Variants in ZNF839 observed in about 807,000 individuals in gnomAD.
ZNF839 encodes the protein zinc finger protein 839.
In ZNF839, 38 loss-of-function variants were observed where a neutral mutation model predicts 56.4. The ratio of observed to expected loss-of-function variants is 0.67; its 90% confidence interval spans 0.52 to 0.88. The LOEUF is 0.88. Ranked by LOEUF, ZNF839 falls within the 40% of genes least tolerant of loss-of-function variation. The probability of loss-of-function intolerance (pLI) is 0.00; values close to 1 mark genes in which losing one functional copy is unlikely to be tolerated. For missense variants in ZNF839, 1,091 were observed against 1,177.6 expected (o/e 0.93, Z 1.08); for synonymous variants, 486 against 493.5 (o/e 0.98, Z 0.20).
Position 102,319,884 on chromosome 14 carries a change from A to G in ZNF839, c.119A>G (p.Gln40Arg). 8.0e-7 allele frequency: 1 copy of G among 1,250,628 alleles called. No homozygotes were observed. Among genetic ancestry groups the G allele is most frequent in the Non-Finnish European group, 1.0e-6 (1 of 991,118 alleles). 77.5% of individuals were successfully genotyped at this position (1,250,628 alleles called of 1,614,324 possible). Reference sequence around the variant, plus strand: ...CGTGTGGCCCCGCTGGGCCCCGAGCAGCTGCGGCAGGTCCTGGAGCAGGTG... The same window carrying G: ...CGTGTGGCCCCGCTGGGCCCCGAGCGGCTGCGGCAGGTCCTGGAGCAGGTG... The part of the protein sequence containing the change: ...VARVAPLGPE[Q>R]LRQVLEQVTK... Residue 40 changes from glutamine to arginine, a missense_variant, in exon 1 of 8, where the codon CAG (glutamine) becomes CGG (arginine). By Grantham distance (43) the Gln-to-Arg change is conservative. Transcript: ENST00000442396. The surrounding 1 kb of genome is among the most constrained non-coding windows in gnomAD (Gnocchi z 4.5).
chr14:102,331,680 T>C lies in ZNF839; in HGVS notation c.1250T>C (p.Leu417Pro), dbSNP rs2073788625. The C allele has an allele frequency of 6.2e-7, 1 of 1,612,362 alleles. No homozygotes were observed. Among genetic ancestry groups the C allele is most frequent in the Non-Finnish European group, 8.5e-7 (1 of 1,179,228 alleles). ...CCATCTGAACCAGAAAATGGAGCTC[T>C]TTTGCGATCAGAGAGATACCAAGGA... ...TLPSEPENGA[L>P]LRSERYQGPR... The change falls in exon 3 of 8, where the codon CTT (leucine) becomes CCT (proline). Residue 417 changes from leucine (L) to proline (P), a missense_variant. By Grantham distance (98) the Leu-to-Pro change is moderately conservative. Coordinates refer to ENST00000442396, the MANE Select transcript of ZNF839 (RefSeq NM_018335.6).
Position 102,319,875 on chromosome 14 carries a change from GC to G in ZNF839, c.114del (p.Glu39SerfsTer10). 8.1e-7 allele frequency: 1 copy of G among 1,236,088 alleles called. No homozygotes were observed. Among genetic ancestry groups the G allele is most frequent in the Admixed American group, 3.5e-5 (1 of 28,492 alleles). 76.6% of individuals were successfully genotyped at this position (1,236,088 alleles called of 1,614,324 possible). On this transcript the variant is annotated frameshift_variant, in exon 1 of 8. Transcript: ENST00000442396. LOFTEE classifies it high-confidence loss of function. This position sits in a 1 kb window ranked among gnomAD's most constrained non-coding sequence, Gnocchi z 4.5. The part of the protein sequence containing the change: ...SGSVARVAPL[G>X]PEQLRQVLEQ... Reference sequence around the variant, plus strand: ...AGCGTCGCACGTGTGGCCCCGCTGGGCCCCGAGCAGCTGCGGCAGGTCCTGG... The same window carrying G: ...AGCGTCGCACGTGTGGCCCCGCTGGGCCCGAGCAGCTGCGGCAGGTCCTGG...
At chr14:102,320,131 G>A in intron 1 of ZNF839, 78 bp downstream of exon 1, 1 of 1,075,710 alleles carries the variant, frequency 9.3e-7, no homozygotes, top group South Asian at 4.5e-5. Context: ...CTGCTTGTCC[G>A]GGGAGGCCAG....
chr14:102,318,568 G>C (rs567898904), upstream of ZNF839, among the ~76,000 whole-genome samples: 12 of 152,130 alleles, frequency 7.9e-5, no homozygotes, highest in East Asian at 2.1e-3. Context: ...AGGCGATGGA[G>C]GTTGCGGTGA....
At chr14:102,323,904 A>G (rs1387396032) in intron 1 of ZNF839, among the ~76,000 whole-genome samples, 2 of 152,214 alleles carry the variant, frequency 1.3e-5, no homozygotes, top group African/African-American at 2.4e-5. Context: ...GTTAATGTGG[A>G]TAAAATTCAC....
rs753173861 is a variant in ZNF839 at position 102,341,711 on chromosome 14, C to A, written c.2316C>A (p.Leu772=). ...CTGGACATGCAGAGGCAGGACACCT[C>A]GGCAAGGTTTGTGACTTCCACCTGA... ...GGPGHAEAGH[L]GKVCDFHLNH... is the part of the protein sequence containing the mutation. Residue 772 remains leucine (L), a synonymous_variant, in exon 8 of 8, where the codon CTC becomes CTA. Transcript: ENST00000442396. 6.2e-7 allele frequency: 1 copy of A among 1,613,982 alleles called. No homozygotes were observed. Among genetic ancestry groups the A allele is most frequent in the Non-Finnish European group, 8.5e-7 (1 of 1,179,878 alleles).
intron 3 of ZNF839, among the ~76,000 whole-genome samples, chr14:102,333,261 CTT>C (rs58231229): frequency 6.3e-4 from 79 of 125,264 alleles, no homozygotes; most frequent in Admixed American, 1.3e-3. Flanking sequence ...AAATGCCAAT[CTT>C]TTTTTTTTTT....
rs141220348 is a variant in ZNF839 at position 102,329,259 on chromosome 14, C to T, written c.1192-2363C>T. On this transcript the variant is annotated intron_variant, in intron 2 of 7. Transcript: ENST00000442396. ...CTGGGATTACAGGCGTGAGCCACCA[C>T]GCCCGGCCCAATTTCTTTGGGTATA... Among the ~76,000 whole-genome samples, 473 of 152,302 alleles carry T rather than the reference C, an allele frequency of 3.1e-3. 4 individuals are homozygous for T. The highest frequency in any genetic ancestry group is 0.011 in the African/African-American group (443 of 41,574).
chr14:102,330,765 G>A (rs1422567672), intron 2 of ZNF839, among the ~76,000 whole-genome samples: 3 of 152,122 alleles, frequency 2.0e-5, no homozygotes, highest in Admixed American at 6.6e-5. Flanking sequence ...TGATCCACCC[G>A]CCTCGGCCTC....
chr14:102,341,052 G>T, intron 7 of ZNF839: 1 of 184,748 alleles, frequency 5.4e-6, no homozygotes, highest in Admixed American at 7.7e-5. Flanking sequence ...CTGGGTGACA[G>T]AGCGAGACTC....
chr14:102,325,314 G>C (rs1300699272), intron 1 of ZNF839, among the ~76,000 whole-genome samples: 1 of 149,546 alleles, frequency 6.7e-6, no homozygotes, highest in Non-Finnish European at 1.5e-5. Flanking sequence ...ACTCTAGCCT[G>C]GGTGACAGAG....
chr14:102,335,651 G>C (rs1376688649), intron 4 of ZNF839, 38 bp from the exon 5 acceptor site: 2 of 1,551,528 alleles, frequency 1.3e-6, no homozygotes, highest in African/African-American at 2.7e-5. Flanking sequence ...TCAGTGCCTT[G>C]AGTTTAAACT....
At chr14:102,319,741 G>C (rs1181626531), upstream of ZNF839, 2 of 1,228,260 alleles carry the variant, frequency 1.6e-6, no homozygotes, top group Non-Finnish European at 2.0e-6. This position sits in a 1 kb window ranked among gnomAD's most constrained non-coding sequence, Gnocchi z 4.5. Flanking sequence ...CAGCGACCCG[G>C]GTTCGAGTCC....
Position 102,326,615 on chromosome 14 carries a change from T to A in ZNF839, c.919T>A (p.Ser307Thr). The change falls in exon 2 of 8, where the codon TCC becomes ACC. Residue 307 changes from serine to threonine, a missense_variant. By Grantham distance (58) the Ser-to-Thr change is moderately conservative. Transcript: ENST00000442396. This position sits in a 1 kb window ranked among gnomAD's most constrained non-coding sequence, Gnocchi z 4.3. ...CGCACTCTTTGACTTATCGAGCTGC[T>A]CCCTGAGGCCCAAAAGCTTTAAGTG... ...RHALFDLSSC[S>T]LRPKSFKCQT... is the part of the protein sequence containing the mutation. 1 of 1,613,714 alleles carries A rather than the reference T, an allele frequency of 6.2e-7. No individual in the cohort carries two copies. Among genetic ancestry groups the A allele is most frequent in the Non-Finnish European group, 8.5e-7 (1 of 1,179,820 alleles).
intron 2 of ZNF839, among the ~76,000 whole-genome samples, chr14:102,330,241 T>C (rs909768485): frequency 6.6e-6 from 1 of 151,998 alleles, no homozygotes; most frequent in African/African-American, 2.4e-5. Context: ...ATTTTTATTA[T>C]TATTTTTTGA....
Position 102,342,366 on chromosome 14 carries a change from G to T in ZNF839, c.*187G>T. 1.5e-6 allele frequency: 1 copy of T among 662,282 alleles called. No homozygotes were observed. The highest frequency in any genetic ancestry group is 3.0e-5 in the East Asian group (1 of 32,938). 41.0% of individuals were successfully genotyped at this position (662,282 alleles called of 1,614,324 possible). ...TATTTATAAAGAATAATGTCTTTCT[G>T]CCCTGCTGTCTACATTTTTCTATGG... On this transcript the variant is annotated 3_prime_UTR_variant, in exon 8 of 8. Transcript: ENST00000442396.
chr14:102,319,832 C>G lies in ZNF839; in HGVS notation c.67C>G (p.Pro23Ala). The change falls in exon 1 of 8, where the codon CCT (proline) becomes GCT (alanine). Residue 23 changes from proline (P) to alanine (A), a missense_variant. By Grantham distance (27) the Pro-to-Ala change is conservative. Transcript: ENST00000442396. The surrounding 1 kb of genome is among the most constrained non-coding windows in gnomAD (Gnocchi z 4.5). ...EDGGGGGGPAPPGQSGSVARV... is the reference protein window; with the variant it reads ...EDGGGGGGPAAPGQSGSVARV... ...TGGCGGCGGCGGCGGCGGCCCGGCT[C>G]CTCCGGGCCAGAGCGGCAGCGTCGC... The G allele has an allele frequency of 8.1e-7, 1 of 1,239,782 alleles. No individual in the cohort carries two copies. Among genetic ancestry groups the G allele is most frequent in the Non-Finnish European group, 1.0e-6 (1 of 993,700 alleles). The allele number at this position is 1,239,782 out of a possible 1,614,324, so 76.8% of individuals were successfully genotyped here. A position where few individuals can be genotyped will look rare whatever the true frequency, so the allele number is the denominator to read the frequency against.
chr14:102,341,276 C>T, intron 7 of ZNF839, 47 bp from the exon 8 acceptor site: 3 of 1,493,132 alleles, frequency 2.0e-6, no homozygotes, highest in Non-Finnish European at 2.7e-6. Context: ...AGTGAGTGGG[C>T]CATGACACAG....
At position 102,332,094 on chromosome 14, in the gene ZNF839, T is replaced by A. The variant is rs1300237358; in HGVS notation, c.1416+248T>A. Among the ~76,000 whole-genome samples the A allele has an allele frequency of 2.0e-5, 3 of 152,196 alleles. No homozygotes were observed. Among genetic ancestry groups the A allele is most frequent in the African/African-American group, 7.2e-5 (3 of 41,452 alleles). On this transcript the variant is annotated intron_variant, in intron 3 of 7. Coordinates refer to ENST00000442396, the MANE Select transcript of ZNF839 (RefSeq NM_018335.6). The surrounding 1 kb of genome is among the most constrained non-coding windows in gnomAD (Gnocchi z 4.9). ...TTTTGGAATAATTATAACCTGTGTT[T>A]ATATGGAAGCAGTTTAGAAAACAAC... is the stretch of plus-strand genomic sequence containing the variant.
Sources: gnomAD v4.1 joint callset for allele counts (sites outside exome capture counted in the v4.1 genomes callset) on GRCh38, gnomAD v4.1.1 for gene constraint, Gnocchi (gnomAD v3.1) non-coding constraint, MANE v1.5 for transcripts, NCBI Gene and HGNC (gene_info 2026-07-23, HGNC 2026-07-21) for gene names.